Variants in BNC2 observed in about 807,000 individuals in gnomAD.
The protein encoded by BNC2 is basonuclin zinc finger protein 2, also known as zinc finger protein basonuclin-2.
A neutral mutation model predicts 76.3 loss-of-function variants in BNC2; 20 were observed. That is an observed-to-expected ratio of 0.26 (90% CI 0.18 to 0.38). The LOEUF (loss-of-function observed/expected upper bound fraction) is 0.38. Among genes scored for constraint, BNC2 ranks in the 10% least tolerant of loss-of-function variants. The pLI is 1.00. For missense variants in BNC2, 1,382 were observed against 1,399.8 expected (o/e 0.99, Z 0.20); for synonymous variants, 582 against 514.8 (o/e 1.13, Z -1.77).
chr9:16,608,300 C>A (rs1458886025), intron 3 of BNC2, among the ~76,000 whole-genome samples: 2 of 152,074 alleles, frequency 1.3e-5, no homozygotes, highest in African/African-American at 4.8e-5. Flanking sequence ...GCTTAAAAAG[C>A]TAAGCACAGT....
intron 1 of BNC2, among the ~76,000 whole-genome samples, chr9:16,739,677 A>G (rs1824785062): frequency 6.6e-6 from 1 of 152,184 alleles, no homozygotes; most frequent in African/African-American, 2.4e-5. Flanking sequence ...CATCTCAATC[A>G]ATCAGTCAAT....
chr9:16,696,314 A>G (rs1020436442), intron 3 of BNC2, among the ~76,000 whole-genome samples: 1 of 152,208 alleles, frequency 6.6e-6, no homozygotes, highest in Non-Finnish European at 1.5e-5. Flanking sequence ...TCTTCATGAA[A>G]AATGCTTGAT....
chr9:16,854,969 T>A (rs116249703), intron 1 of BNC2, among the ~76,000 whole-genome samples: 250 of 152,010 alleles, frequency 1.6e-3, no homozygotes, highest in African/African-American at 5.6e-3. Context: ...CCCTTAATAT[T>A]CTCTGCTGAA....
intron 3 of BNC2, among the ~76,000 whole-genome samples, chr9:16,679,783 A>C (rs181155857): frequency 9.3e-4 from 142 of 152,366 alleles, no homozygotes; most frequent in Admixed American, 2.5e-3. Context: ...GCAAGGGCAC[A>C]TTATGTGAAG....
rs1021268220 is a variant in BNC2 at position 16,411,880 on chromosome 9, C to G, written c.*7109G>C. 6.6e-6 allele frequency: 1 copy of G among 152,096 alleles called. No individual in the cohort carries two copies. Among genetic ancestry groups the G allele is most frequent in the South Asian group, 2.1e-4 (1 of 4,826 alleles). 9.4% of individuals were successfully genotyped at this position (152,096 alleles called of 1,614,324 possible). A position where few individuals can be genotyped will look rare whatever the true frequency, so the allele number is the denominator to read the frequency against. ...CAACTATCTTCTCTGAGATGCGCTG[C>G]GGGAAGGTTGGAAGGAAGCATGGCA... On this transcript the variant is annotated 3_prime_UTR_variant, in exon 7 of 7. Coordinates refer to ENST00000380672, the MANE Select transcript of BNC2 (RefSeq NM_017637.6).
intron 5 of BNC2, among the ~76,000 whole-genome samples, chr9:16,537,703 A>G (rs2132312283): frequency 6.6e-6 from 1 of 152,324 alleles, no homozygotes; most frequent in Non-Finnish European, 1.5e-5. Context: ...CCAGACTCAT[A>G]GCAAGGCATA....
At chr9:16,434,465 T>C (rs1820962876) in intron 6 of BNC2, among the ~76,000 whole-genome samples, 1 of 152,198 alleles carries the variant, frequency 6.6e-6, no homozygotes, top group Non-Finnish European at 1.5e-5. Flanking sequence ...TTATAAAATT[T>C]TCTCTAAAAT....
intron 1 of BNC2, among the ~76,000 whole-genome samples, chr9:16,862,090 C>T (rs569422617): frequency 2.2e-4 from 34 of 152,024 alleles, no homozygotes; most frequent in African/African-American, 6.8e-4. Flanking sequence ...GCTGCAGTTG[C>T]GTTGGAAAAC....
intron 3 of BNC2, among the ~76,000 whole-genome samples, chr9:16,585,755 T>C (rs1022089697): frequency 4.6e-5 from 7 of 152,176 alleles, no homozygotes; most frequent in African/African-American, 1.7e-4. Flanking sequence ...CTCAAAAATG[T>C]ACATGCATTA....
At chr9:16,441,557 C>G (rs541380677) in intron 5 of BNC2, among the ~76,000 whole-genome samples, 19 of 152,250 alleles carry the variant, frequency 1.2e-4, no homozygotes, top group African/African-American at 3.9e-4. Flanking sequence ...TGGTTTGGTG[C>G]TTTGATTCTG....
intron 3 of BNC2, among the ~76,000 whole-genome samples, chr9:16,610,197 T>C (rs995186281): frequency 5.9e-5 from 9 of 152,102 alleles, no homozygotes; most frequent in African/African-American, 2.2e-4. Flanking sequence ...TACAAGGCAA[T>C]GTACCTAATA....
At chr9:16,646,125 T>C (rs1378701088) in intron 3 of BNC2, among the ~76,000 whole-genome samples, 3 of 152,208 alleles carry the variant, frequency 2.0e-5, no homozygotes, top group Non-Finnish European at 2.9e-5. Context: ...AGTTTTAAGA[T>C]GTTCTAAACC....
Position 16,727,879 on chromosome 9 carries a change from G to C in BNC2, c.248C>G (p.Thr83Ser), listed in dbSNP as rs766081839. The C allele has an allele frequency of 6.2e-6, 10 of 1,614,148 alleles. No individual in the cohort carries two copies. Among genetic ancestry groups the C allele is most frequent in the Admixed American group, 1.7e-5 (1 of 60,016 alleles). ...SCTDNSMQFGTRTTTAEPGFM... is the reference protein window; with the variant it reads ...SCTDNSMQFGSRTTTAEPGFM... ...CCCTGGTTCAGCCGTAGTCGTTCTG[G>C]TTCCGAACTGCATGGAGTTGTCAGT... Residue 83 changes from threonine to serine, a missense_variant, in exon 3 of 7, where the codon ACC becomes AGC. This residue lies in a region of BNC2 where 557 missense variants were observed against 540.9 expected (regional missense o/e 1.03). Transcript: ENST00000380672.
intron 5 of BNC2, among the ~76,000 whole-genome samples, chr9:16,545,241 G>A (rs543837765): frequency 1.3e-5 from 2 of 152,274 alleles, no homozygotes; most frequent in South Asian, 4.1e-4. Context: ...TGAAATCCAG[G>A]ATTTAAGGCT....
At chr9:16,729,610 G>A (rs903807505) in intron 2 of BNC2, among the ~76,000 whole-genome samples, 2 of 152,112 alleles carry the variant, frequency 1.3e-5, no homozygotes, top group Non-Finnish European at 1.5e-5. Flanking sequence ...CAATATCTGA[G>A]AGGAAACAAA....
Position 16,582,857 on chromosome 9 carries a change from C to T in BNC2, c.433+126G>A, listed in dbSNP as rs985892516. The T allele has an allele frequency of 1.2e-5, 9 of 775,772 alleles. No individual in the cohort carries two copies. In the African/African-American group the frequency reaches 1.5e-4, roughly 13 times the overall value. The allele number at this position is 775,772 out of a possible 1,614,324, so 48.1% of individuals were successfully genotyped here. A position where few individuals can be genotyped will look rare whatever the true frequency, so the allele number is the denominator to read the frequency against. On this transcript the variant is annotated intron_variant, in intron 4 of 6. Transcript: ENST00000380672. Reference sequence around the variant, plus strand: ...AACTAACACTTGGAGCACAGCTGACCTCTCTCTTCTCCAGGCCAGTGACTC... The same window carrying T: ...AACTAACACTTGGAGCACAGCTGACTTCTCTCTTCTCCAGGCCAGTGACTC...
intron 6 of BNC2, among the ~76,000 whole-genome samples, chr9:16,422,543 C>T (rs959624006): frequency 6.6e-6 from 1 of 152,092 alleles, no homozygotes; most frequent in Non-Finnish European, 1.5e-5. Context: ...CGTTCAATTC[C>T]TAATCTATTT....
chr9:16,735,346 T>A (rs1824633561), intron 2 of BNC2, among the ~76,000 whole-genome samples: 1 of 148,864 alleles, frequency 6.7e-6, no homozygotes, highest in Non-Finnish European at 1.5e-5. Flanking sequence ...CAATGTTTTA[T>A]GAGAAAATCT....
chr9:16,516,363 G>A (rs1208626852), intron 5 of BNC2, among the ~76,000 whole-genome samples: 4 of 150,910 alleles, frequency 2.7e-5, no homozygotes, highest in African/African-American at 9.8e-5. Context: ...ATGATTATGC[G>A]GAAACTTAAA....
Sources: allele counts gnomAD v4.1 joint callset (sites outside exome capture counted in the v4.1 genomes callset), GRCh38; gene constraint gnomAD v4.1.1; regional missense constraint gnomAD v4.1.1; transcripts MANE v1.5; gene names NCBI Gene and HGNC (gene_info 2026-07-23, HGNC 2026-07-21).